Variants in ARHGAP6 observed in about 807,000 individuals in gnomAD.
ARHGAP6 encodes the protein rho GTPase-activating protein 6.
ARHGAP6 carries 16 observed loss-of-function variants against 55.7 expected under a neutral mutation model. The observed-to-expected ratio is 0.29, with a 90% CI of 0.19 to 0.44. The LOEUF (loss-of-function observed/expected upper bound fraction) is 0.44. Ranked by LOEUF, ARHGAP6 falls within the 20% of genes least tolerant of loss-of-function variation. The pLI is 1.00. For synonymous variants in ARHGAP6, 382 were observed against 360.9 expected (o/e 1.06, Z -0.66); for missense variants, 698 against 808.9 (o/e 0.86, Z 1.66).
At chrX:11,309,081 A>G (rs1216468283) in intron 1 of ARHGAP6, among the ~76,000 whole-genome samples, 1 of 111,180 alleles carries the variant, frequency 9.0e-6, no homozygotes, top group African/African-American at 3.3e-5. Flanking sequence ...CTCCAACGCT[A>G]TTACTTCCCT....
At chrX:11,576,681 T>C (rs1047612495) in intron 1 of ARHGAP6, among the ~76,000 whole-genome samples, 4 of 112,604 alleles carry the variant, frequency 3.6e-5, no homozygotes, top group African/African-American at 1.3e-4. Flanking sequence ...CAACAATTCC[T>C]GAACAAATGG....
chrX:11,154,866 C>T (rs2045841834), intron 10 of ARHGAP6, among the ~76,000 whole-genome samples: 1 of 112,401 alleles, frequency 8.9e-6, no homozygotes, highest in Non-Finnish European at 1.9e-5. Flanking sequence ...AAAATACTAG[C>T]TCATCTATAC....
chrX:11,544,195 T>A lies in ARHGAP6; in HGVS notation c.588+120046A>T, dbSNP rs1256932515. On this transcript the variant is annotated intron_variant, in intron 1 of 12. Coordinates refer to ENST00000337414, the MANE Select transcript of ARHGAP6 (RefSeq NM_013427.3). The stretch of plus-strand genomic sequence containing the variant: ...GGTATGTTGCCCATGTAATGGATAA[T>A]GCTCAGTAAAAGATGAAGAGAAATA... Among the ~76,000 whole-genome samples the A allele has an allele frequency of 4.5e-5, 5 of 112,122 alleles. No homozygotes were observed. The East Asian group carries it at 1.1e-3, about 25-fold the overall frequency.
chrX:11,332,304 T>C (rs2048572610), intron 1 of ARHGAP6, among the ~76,000 whole-genome samples: 1 of 112,152 alleles, frequency 8.9e-6, no homozygotes, highest in Non-Finnish European at 1.9e-5. Flanking sequence ...CTCTGGTATT[T>C]TGGGTGCTGA....
chrX:11,314,422 A>T (rs1021635704), intron 1 of ARHGAP6, among the ~76,000 whole-genome samples: 1 of 112,318 alleles, frequency 8.9e-6, no homozygotes, highest in African/African-American at 3.2e-5. Flanking sequence ...CTTATGCAAA[A>T]TAAAAATTGA....
chrX:11,297,850 A>G (rs2048111776), intron 1 of ARHGAP6, among the ~76,000 whole-genome samples: 1 of 112,379 alleles, frequency 8.9e-6, no homozygotes. Context: ...TTATTATGTC[A>G]TAATTTTGTG....
chrX:11,418,400 T>C (rs1487864830), intron 1 of ARHGAP6, among the ~76,000 whole-genome samples: 1 of 111,724 alleles, frequency 9.0e-6, no homozygotes, highest in Non-Finnish European at 1.9e-5. Flanking sequence ...GGTTAGACCA[T>C]TTGTGTTGAT....
At chrX:11,278,457 T>C (rs1222296297) in intron 1 of ARHGAP6, among the ~76,000 whole-genome samples, 2 of 111,698 alleles carry the variant, frequency 1.8e-5, no homozygotes, top group African/African-American at 6.5e-5. Context: ...TGGGTGGTTT[T>C]AGAGCCTCCA....
chrX:11,465,938 T>G (rs939204481), intron 1 of ARHGAP6, among the ~76,000 whole-genome samples: 27 of 89,938 alleles, frequency 3.0e-4, no homozygotes, highest in African/African-American at 1.2e-3. Flanking sequence ...CTCCTCCTCC[T>G]CCTCTTCCTC....
At chrX:11,172,096 A>G (rs766271246) in intron 8 of ARHGAP6, among the ~76,000 whole-genome samples, 2 of 111,164 alleles carry the variant, frequency 1.8e-5, no homozygotes, top group Admixed American at 9.6e-5. Context: ...CCCAATGAAC[A>G]GCTGAAACAA....
At chrX:11,346,920 G>GAAAAACAA (rs1341424951) in intron 1 of ARHGAP6, among the ~76,000 whole-genome samples, 2 of 98,969 alleles carry the variant, frequency 2.0e-5, no homozygotes, top group Non-Finnish European at 4.2e-5. Context: ...CTTTTCTCTT[G>GAAAAACAA]AAAAACAAAC....
chrX:11,324,487 C>A (rs2048474298), intron 1 of ARHGAP6, among the ~76,000 whole-genome samples: 1 of 111,212 alleles, frequency 9.0e-6, no homozygotes, highest in African/African-American at 3.3e-5. Context: ...CTGGATCACT[C>A]CTCTTATCAA....
At chrX:11,339,347 G>A (rs532038878) in intron 1 of ARHGAP6, among the ~76,000 whole-genome samples, 48 of 110,718 alleles carry the variant, frequency 4.3e-4, no homozygotes, top group Non-Finnish European at 6.2e-4. Flanking sequence ...TCTTTAATGC[G>A]CAGGGAAGCC....
intron 1 of ARHGAP6, among the ~76,000 whole-genome samples, chrX:11,557,553 C>T (rs916697470): frequency 6.4e-5 from 7 of 109,877 alleles, no homozygotes; most frequent in Non-Finnish European, 1.1e-4. Context: ...AGAGATATTA[C>T]AGGAGCCAAA....
At chrX:11,363,216 C>T (rs181862752) in intron 1 of ARHGAP6, among the ~76,000 whole-genome samples, 2 of 111,889 alleles carry the variant, frequency 1.8e-5, no homozygotes, top group East Asian at 5.6e-4. Flanking sequence ...CTAGAGTCAG[C>T]ACCCAGATGG....
At chrX:11,354,063 G>C (rs1161514592) in intron 1 of ARHGAP6, among the ~76,000 whole-genome samples, 2 of 109,874 alleles carry the variant, frequency 1.8e-5, no homozygotes, top group African/African-American at 6.6e-5. Context: ...ATACAACCTG[G>C]TAGTGACATG....
At chrX:11,543,405 T>C (rs2051180127) in intron 1 of ARHGAP6, among the ~76,000 whole-genome samples, 1 of 112,790 alleles carries the variant, frequency 8.9e-6, no homozygotes, top group Non-Finnish European at 1.9e-5. Context: ...GGGACATTTT[T>C]AGTTGTCACA....
At chrX:11,223,529 T>G (rs191228994) in intron 2 of ARHGAP6, among the ~76,000 whole-genome samples, 754 of 111,873 alleles carry the variant, frequency 6.7e-3, no homozygotes, top group Non-Finnish European at 0.012. Context: ...AAATTAATTT[T>G]TATCCATTTC....
chrX:11,464,980 A>G (rs1217604346), intron 1 of ARHGAP6, among the ~76,000 whole-genome samples: 1 of 111,602 alleles, frequency 9.0e-6, no homozygotes, highest in East Asian at 2.8e-4. Context: ...CTCACGGTTC[A>G]TCTGTTATCT....
Sources: allele counts gnomAD v4.1 joint callset (sites outside exome capture counted in the v4.1 genomes callset), GRCh38; gene constraint gnomAD v4.1.1; transcripts MANE v1.5; gene names NCBI Gene and HGNC (gene_info 2026-07-23, HGNC 2026-07-21).